Variants in TBC1D20 observed in about 807,000 individuals in gnomAD.
The protein encoded by TBC1D20 is chromosome 20 open reading frame 140.
In TBC1D20, 12 loss-of-function variants were observed where a neutral mutation model predicts 41.6. The ratio of observed to expected loss-of-function variants is 0.29; its 90% CI spans 0.18 to 0.47. TBC1D20 has a LOEUF of 0.47. Ranked by LOEUF, TBC1D20 falls within the 20% of genes least tolerant of loss-of-function variation. The pLI, the probability that TBC1D20 is intolerant of heterozygous loss-of-function variation, is 1.00. For missense variants in TBC1D20, 421 were observed against 517.4 expected, an observed-to-expected ratio of 0.81 and a Z score of 1.81; for synonymous variants, 205 against 204.8, an observed-to-expected ratio of 1.00 and a Z score of -0.01.
Position 445,149 on chromosome 20 carries a change from C to T in TBC1D20, c.257-19G>A, listed in dbSNP as rs749832379. The stretch of plus-strand genomic sequence containing the variant: ...TTCTTCCCTATTGAAGGAAAAGGCA[C>T]GTTATTGCAGGAATGCCTGAGAAGC... On this transcript the variant is annotated intron_variant, in intron 2 of 7. Coordinates refer to ENST00000354200, the MANE Select transcript of TBC1D20 (RefSeq NM_144628.4). The T allele has an allele frequency of 9.5e-6, 15 of 1,570,800 alleles. No homozygotes were observed. The Admixed American group carries it at 1.6e-4, about 17-fold the overall frequency.
In TBC1D20 at chr20:453,786, G is replaced by A. The variant is rs8120957; in HGVS notation, c.71-5712C>T. On this transcript the variant is annotated intron_variant, in intron 1 of 7. Transcript: ENST00000354200. The stretch of plus-strand genomic sequence containing the variant: ...AGGCTAGTCTCAAACTCCTGACCTC[G>A]TGACCCGCCAGTCTCAGCCTCCCAA... 4.8e-5 allele frequency among the ~76,000 whole-genome samples: 7 copies of A among 144,952 alleles called. 3 individuals carry two copies. The highest frequency in any genetic ancestry group is 7.8e-5 in the African/African-American group (3 of 38,310).
chr20:451,338 A>C (rs961957358), intron 1 of TBC1D20, among the ~76,000 whole-genome samples: 1 of 152,088 alleles, frequency 6.6e-6, no homozygotes, highest in East Asian at 1.9e-4. Flanking sequence ...TGAGGTCAGG[A>C]GTTCGAGACC....
chr20:441,743 AG>A, intron 4 of TBC1D20, 54 bp from the exon 5 acceptor site: 2 of 1,596,418 alleles, frequency 1.3e-6, no homozygotes, highest in Middle Eastern at 1.7e-4. Flanking sequence ...ATCAGGGCTC[AG>A]GGTGGCGAGG....
intron 2 of TBC1D20, among the ~76,000 whole-genome samples, chr20:447,136 T>A (rs2017349792): frequency 6.7e-6 from 1 of 148,476 alleles, no homozygotes; most frequent in South Asian, 2.1e-4. Flanking sequence ...TTTTTTTTTT[T>A]TTTTTAGTAG....
chr20:453,686 C>T (rs1236742460), intron 1 of TBC1D20, among the ~76,000 whole-genome samples: 11 of 144,926 alleles, frequency 7.6e-5, no homozygotes, highest in African/African-American at 1.8e-4. Context: ...GCTGGGATTA[C>T]GGGCACGTGC....
intron 4 of TBC1D20, 72 bp from the exon 5 acceptor site, chr20:441,761 A>T: frequency 1.3e-6 from 2 of 1,595,366 alleles, no homozygotes; most frequent in Non-Finnish European, 8.6e-7. Context: ...GAGGGCTCAA[A>T]CTCCTAAAAA....
chr20:453,185 A>AAC (rs2017478765), intron 1 of TBC1D20, among the ~76,000 whole-genome samples: 3 of 123,682 alleles, frequency 2.4e-5, no homozygotes, highest in African/African-American at 9.7e-5. Flanking sequence ...AAAAAAAAAA[A>AAC]AAACAGGCTG....
In TBC1D20 at chr20:453,539, C is replaced by CTTTTTTTTTTTTTTTTTTTTTTTTT. The variant is rs1198052752; in HGVS notation, c.71-5466_71-5465insAAAAAAAAAAAAAAAAAAAAAAAAA. Among the ~76,000 whole-genome samples, 2 of 109,726 alleles carry CTTTTTTTTTTTTTTTTTTTTTTTTT rather than the reference C, an allele frequency of 1.8e-5. 1 individual carries two copies. The highest frequency in any genetic ancestry group is 3.4e-5 in the Non-Finnish European group (2 of 58,062). 72.0% of individuals were successfully genotyped at this position (109,726 alleles called of 152,430 possible). A position where few individuals can be genotyped will look rare whatever the true frequency, so the allele number is the denominator to read the frequency against. On this transcript the variant is annotated intron_variant, in intron 1 of 7. Coordinates refer to ENST00000354200, the MANE Select transcript of TBC1D20 (RefSeq NM_144628.4). ...ACGGTGGCTCGTGCCTGTAATCCAG[C>CTTTTTTTTTTTTTTTTTTTTTTTTT]ATTTTTTTTTTTTTTTTTTTTTTTG...
At chr20:462,160 G>A (rs914441881) in intron 1 of TBC1D20, among the ~76,000 whole-genome samples, 176 bp downstream of exon 1, 1 of 151,922 alleles carries the variant, frequency 6.6e-6, no homozygotes, top group Admixed American at 6.5e-5. Flanking sequence ...CCCAGTTCCA[G>A]GCCCTCTCCT....
Position 450,315 on chromosome 20 carries a change from A to AT in TBC1D20, c.71-2242dup, listed in dbSNP as rs576051908. 1.3e-3 allele frequency among the ~76,000 whole-genome samples: 188 copies of AT among 142,908 alleles called. 1 individual carries two copies. The highest frequency in any genetic ancestry group is 3.2e-3 in the Admixed American group (46 of 14,156). The allele number at this position is 142,908 out of a possible 152,430, so 93.8% of individuals were successfully genotyped here. ...AGGCATGCACCACCACGCTTTGCTA[A>AT]TTTTTTTTTTTTTTTAGACAGGGTT... is the stretch of plus-strand genomic sequence containing the variant. On this transcript the variant is annotated intron_variant, in intron 1 of 7. Transcript: ENST00000354200.
intron 1 of TBC1D20, among the ~76,000 whole-genome samples, chr20:454,498 A>G (rs1470528618): frequency 6.6e-6 from 1 of 152,096 alleles, no homozygotes; most frequent in Non-Finnish European, 1.5e-5. Flanking sequence ...GTTCATTTGA[A>G]GTGGAAGATA....
chr20:451,827 T>C (rs948270250), intron 1 of TBC1D20, among the ~76,000 whole-genome samples: 5 of 152,148 alleles, frequency 3.3e-5, no homozygotes, highest in Non-Finnish European at 7.3e-5. Flanking sequence ...ATAGTTTAAA[T>C]AAATCAATAA....
At position 441,843 on chromosome 20, in the gene TBC1D20, C is replaced by G. The variant is rs377574203; in HGVS notation, c.524+14G>C. The G allele has an allele frequency of 3.1e-6, 5 of 1,611,228 alleles. No homozygotes were observed. The Admixed American group carries it at 6.7e-5, about 21-fold the overall frequency. On this transcript the variant is annotated intron_variant, in intron 4 of 7. Transcript: ENST00000354200. Reference sequence around the variant, plus strand: ...GAGTGATGCCCGTCGTCTTGTGTTCCTCTCTACTGGTACCTGAGGTGGTGG... The same window carrying G: ...GAGTGATGCCCGTCGTCTTGTGTTCGTCTCTACTGGTACCTGAGGTGGTGG...
At position 439,086 on chromosome 20, in the gene TBC1D20, C is replaced by T. The variant is rs73567161; in HGVS notation, c.956+22G>A. ...CTCATTTACAGCCACCCCCATTCAA[C>T]CAGTGTCCCAGCCTTGCTCACCTCT... is the stretch of plus-strand genomic sequence containing the variant. On this transcript the variant is annotated intron_variant, in intron 7 of 7. Transcript: ENST00000354200. This position sits in a 1 kb window ranked among gnomAD's most constrained non-coding sequence, Gnocchi z 4.6. 2.8e-3 allele frequency: 4,442 copies of T among 1,594,370 alleles called. 106 individuals are homozygous for T. In the African/African-American group the frequency reaches 0.054, roughly 19 times the overall value.
intron 1 of TBC1D20, 130 bp downstream of exon 1, chr20:462,206 T>C: frequency 4.3e-6 from 2 of 459,890 alleles, no homozygotes; most frequent in Non-Finnish European, 6.0e-6. Context: ...CCTGTTCCTC[T>C]CGCCGCCCGG....
intron 1 of TBC1D20, among the ~76,000 whole-genome samples, chr20:451,889 C>T (rs1166572324): frequency 6.6e-6 from 1 of 152,178 alleles, no homozygotes; most frequent in Non-Finnish European, 1.5e-5. Context: ...TTGATTAGGA[C>T]AATCAGCATA....
Position 459,639 on chromosome 20 carries a change from TTTTA to T in TBC1D20, c.70+2693_70+2696del, listed in dbSNP as rs1010556697. Among the ~76,000 whole-genome samples, 6 of 152,178 alleles carry T rather than the reference TTTTA, an allele frequency of 3.9e-5. No homozygotes were observed. In the South Asian group the frequency reaches 8.3e-4, roughly 21 times the overall value. On this transcript the variant is annotated intron_variant, in intron 1 of 7. Transcript: ENST00000354200. ...GCCTACTCTTCATTAGAACGCTTAT[TTTTA>T]TTTATTTATTTATTTATTTATAAAG...
intron 5 of TBC1D20, chr20:441,339 T>C: frequency 2.1e-6 from 1 of 472,514 alleles, no homozygotes. Flanking sequence ...TTGGCATACA[T>C]ACCTTATCCA....
At chr20:460,541 T>C (rs1162491162) in intron 1 of TBC1D20, among the ~76,000 whole-genome samples, 1 of 151,502 alleles carries the variant, frequency 6.6e-6, no homozygotes, top group African/African-American at 2.4e-5. Context: ...AAACACAAAA[T>C]AAAACAAACT....
Sources: allele counts gnomAD v4.1 joint callset (sites outside exome capture counted in the v4.1 genomes callset), GRCh38; gene constraint gnomAD v4.1.1; non-coding constraint Gnocchi (gnomAD v3.1); transcripts MANE v1.5; gene names NCBI Gene and HGNC (gene_info 2026-07-23, HGNC 2026-07-21).